Variants in MOBP observed in about 807,000 individuals in gnomAD.
The protein encoded by MOBP is myelin-associated oligodendrocyte basic protein.
In MOBP, 5 loss-of-function variants were observed where a neutral mutation model predicts 15.0. The observed-to-expected ratio is 0.33, with a 90% CI of 0.17 to 0.70. MOBP has a LOEUF of 0.70. Among genes scored for constraint, MOBP ranks in the 30% least tolerant of loss-of-function variants. The pLI, the probability that MOBP is intolerant of heterozygous loss-of-function variation, is 0.67. For synonymous variants in MOBP, 88 were observed against 99.0 expected (o/e 0.89, Z 0.66); for missense variants, 188 against 257.8 (o/e 0.73, Z 1.85).
downstream of MOBP, among the ~76,000 whole-genome samples, chr3:39,506,491 C>T (rs2043049657): frequency 6.6e-6 from 1 of 151,950 alleles, no homozygotes; most frequent in Non-Finnish European, 1.5e-5. Context: ...ATTATCTAAC[C>T]AATTCTCACC....
chr3:39,491,049 A>C (rs1406009201), intron 2 of MOBP, among the ~76,000 whole-genome samples: 2 of 152,206 alleles, frequency 1.3e-5, no homozygotes, highest in Non-Finnish European at 2.9e-5. Flanking sequence ...TGTCCTATGG[A>C]GTACATTCTT....
At chr3:39,492,477 G>A (rs2042812719) in intron 2 of MOBP, among the ~76,000 whole-genome samples, 1 of 152,198 alleles carries the variant, frequency 6.6e-6, no homozygotes, top group South Asian at 2.1e-4. Context: ...TATAAATTTA[G>A]AGTTTTGGTT....
intron 2 of MOBP, among the ~76,000 whole-genome samples, chr3:39,497,803 A>G (rs1273544149): frequency 1.3e-5 from 2 of 152,252 alleles, no homozygotes; most frequent in Admixed American, 1.3e-4. Flanking sequence ...AACAATTCAC[A>G]GATCAGACAG....
intron 2 of MOBP, among the ~76,000 whole-genome samples, chr3:39,482,076 A>C (rs543972982): frequency 6.6e-6 from 1 of 151,940 alleles, no homozygotes; most frequent in South Asian, 2.1e-4. Context: ...AAACACCTCA[A>C]CTTGAATCCA....
chr3:39,505,295 G>A (rs1486199183), downstream of MOBP, among the ~76,000 whole-genome samples: 1 of 152,112 alleles, frequency 6.6e-6, no homozygotes, highest in Non-Finnish European at 1.5e-5. Context: ...AGTGCTGTGT[G>A]TGCCTTTGAC....
intron 1 of MOBP, among the ~76,000 whole-genome samples, chr3:39,468,544 A>G (rs902486579): frequency 6.6e-6 from 1 of 152,122 alleles, no homozygotes; most frequent in Admixed American, 6.6e-5. Flanking sequence ...ATTGTTTCAG[A>G]TTTTCAGAAA....
intron 1 of MOBP, among the ~76,000 whole-genome samples, chr3:39,474,773 AAAAAT>A (rs911579691): frequency 8.5e-4 from 129 of 152,328 alleles, no homozygotes; most frequent in African/African-American, 3.0e-3. Flanking sequence ...TGAGATTTAA[AAAAAT>A]AAAATAAAAC....
In MOBP at chr3:39,502,025, G is replaced by C; in HGVS notation, c.-4-41G>C. ...TAGAGGGCTCCCTTTCCTGATGTGCGTTTATGTCTCCTCCTGTCTCCTTGC... is the reference window on the plus strand; with the variant it reads ...TAGAGGGCTCCCTTTCCTGATGTGCCTTTATGTCTCCTCCTGTCTCCTTGC... On this transcript the variant is annotated intron_variant, in intron 2 of 3. Coordinates refer to ENST00000684792, the MANE Select transcript of MOBP (RefSeq NM_001393704.1). The surrounding 1 kb of genome is among the most constrained non-coding windows in gnomAD (Gnocchi z 6.3). 6.4e-7 allele frequency: 1 copy of C among 1,561,288 alleles called. No individual in the cohort carries two copies. Among genetic ancestry groups the C allele is most frequent in the Non-Finnish European group, 8.8e-7 (1 of 1,134,022 alleles).
intron 2 of MOBP, chr3:39,499,745 A>G (rs2042942781): frequency 3.8e-6 from 1 of 263,218 alleles, no homozygotes; most frequent in Admixed American, 5.1e-5. Flanking sequence ...TCCCAGTCAC[A>G]TGGGCTAGAC....
At chr3:39,503,199 G>A (rs992057913), downstream of MOBP, among the ~76,000 whole-genome samples, 1 of 152,208 alleles carries the variant, frequency 6.6e-6, no homozygotes, top group African/African-American at 2.4e-5. Context: ...ATGCCTCAGG[G>A]AGATAACGAA....
At chr3:39,523,265 A>G (rs2043292471) in intron 3 of MOBP, among the ~76,000 whole-genome samples, 1 of 152,246 alleles carries the variant, frequency 6.6e-6, no homozygotes, top group South Asian at 2.1e-4. Flanking sequence ...AGGATTATCT[A>G]CAGTTAATAT....
downstream of MOBP, among the ~76,000 whole-genome samples, chr3:39,504,251 C>G (rs991399199): frequency 8.5e-5 from 13 of 152,228 alleles, no homozygotes; most frequent in Middle Eastern, 3.4e-3. Context: ...GTAGAAGGGT[C>G]CTAGGACAGG....
At chr3:39,507,429 A>G (rs2043062194), downstream of MOBP, among the ~76,000 whole-genome samples, 1 of 152,110 alleles carries the variant, frequency 6.6e-6, no homozygotes, top group African/African-American at 2.4e-5. Context: ...GAGGGAATGG[A>G]GGTAGTTGAT....
intron 3 of MOBP, among the ~76,000 whole-genome samples, chr3:39,523,355 T>C (rs2043293448): frequency 6.6e-6 from 1 of 152,200 alleles, no homozygotes; most frequent in African/African-American, 2.4e-5. Flanking sequence ...TTTTATAATA[T>C]TGCTCTTTTA....
In MOBP at chr3:39,513,380, CA is replaced by C. The variant is rs1179884894; in HGVS notation, c.*-2del. 1 of 1,613,564 alleles carries C rather than the reference CA, an allele frequency of 6.2e-7. No homozygotes were observed. Among genetic ancestry groups the C allele is most frequent in the Non-Finnish European group, 8.5e-7 (1 of 1,179,762 alleles). On this transcript the variant is annotated splice_acceptor_variant, in intron 4 of 4. Coordinates refer to the MOBP transcript ENST00000311042. LOFTEE classifies it high-confidence loss of function. ...TGTTTTTCTTTTTCTCTTTGTAAAC[CA>C]GATTGAAAAGGAAGATCAGGCCAAC... is the stretch of plus-strand genomic sequence containing the variant.
intron 1 of MOBP, among the ~76,000 whole-genome samples, chr3:39,470,358 G>A (rs2042452124): frequency 6.6e-6 from 1 of 152,166 alleles, no homozygotes; most frequent in South Asian, 2.1e-4. Context: ...TCCTTCAGCT[G>A]TACCAGACAT....
At chr3:39,471,666 A>G (rs2042472098) in intron 1 of MOBP, among the ~76,000 whole-genome samples, 1 of 152,116 alleles carries the variant, frequency 6.6e-6, no homozygotes, top group South Asian at 2.1e-4. Flanking sequence ...GGCATGAGGC[A>G]TGAGTCCTTT....
chr3:39,497,643 G>T (rs2042905641), intron 2 of MOBP, among the ~76,000 whole-genome samples: 1 of 152,160 alleles, frequency 6.6e-6, no homozygotes, highest in Admixed American at 6.5e-5. Flanking sequence ...TGTTAATAAT[G>T]CCACATTAAA....
intron 2 of MOBP, among the ~76,000 whole-genome samples, chr3:39,488,843 C>T (rs999125193): frequency 1.9e-4 from 29 of 152,212 alleles, no homozygotes; most frequent in African/African-American, 6.8e-4. Context: ...GTCAAAGTCT[C>T]TGTCATGTCT....
Sources: gnomAD v4.1 joint callset for allele counts (sites outside exome capture counted in the v4.1 genomes callset) on GRCh38, gnomAD v4.1.1 for gene constraint, Gnocchi (gnomAD v3.1) non-coding constraint, MANE v1.5 for transcripts, NCBI Gene and HGNC (gene_info 2026-07-23, HGNC 2026-07-21) for gene names.